KCNH5: variants seen among roughly 807,000 people sequenced by gnomAD.
KCNH5 encodes voltage-gated delayed rectifier potassium channel KCNH5.
KCNH5 carries 46 observed loss-of-function variants against 96.1 expected under a neutral mutation model. The ratio of observed to expected loss-of-function variants is 0.48; its 90% CI spans 0.38 to 0.61. The LOEUF (loss-of-function observed/expected upper bound fraction) is 0.61. Ranked by LOEUF, KCNH5 falls within the 20% of genes least tolerant of loss-of-function variation. The pLI, the probability that KCNH5 is intolerant of heterozygous loss-of-function variation, is 0.00. For missense variants in KCNH5, 907 were observed against 1,225.8 expected, an observed-to-expected ratio of 0.74 and a Z score of 3.88; for synonymous variants, 439 against 449.8, an observed-to-expected ratio of 0.98 and a Z score of 0.30.
At position 62,802,577 on chromosome 14, in the gene KCNH5, A is replaced by C; in HGVS notation, c.1574T>G (p.Leu525Arg). Residue 525 changes from leucine to arginine, a missense_variant, in exon 9 of 11, where the codon CTC (leucine) becomes CGC (arginine). By Grantham distance (102) the Leu-to-Arg change is moderately radical (BLOSUM62 -2). Around this residue, in one of 6 missense-constraint regions of KCNH5, gnomAD observed 95 missense variants for 111.8 expected, o/e 0.85. Coordinates refer to ENST00000322893, the MANE Select transcript of KCNH5 (RefSeq NM_139318.5). ...MSKGIDTEKV[L>R]SICPKDMRAD... ...TCTCATGTCCTTGGGACAGATGGAGAGGACCTAAAGAAGGTGAGAGATGAA... is the reference window on the plus strand; with the variant it reads ...TCTCATGTCCTTGGGACAGATGGAGCGGACCTAAAGAAGGTGAGAGATGAA... 1.9e-6 allele frequency: 3 copies of C among 1,613,704 alleles called. No homozygotes were observed. Among genetic ancestry groups the C allele is most frequent in the Non-Finnish European group, 2.5e-6 (3 of 1,179,664 alleles).
intron 1 of KCNH5, among the ~76,000 whole-genome samples, chr14:63,017,985 T>C (rs1010768214): frequency 6.6e-6 from 1 of 151,876 alleles, no homozygotes; most frequent in Non-Finnish European, 1.5e-5. Flanking sequence ...AAATAAAGAT[T>C]AGTAAAACAC....
chr14:63,001,180 T>G (rs542275238), intron 4 of KCNH5, 151 bp downstream of exon 4: 62 of 617,788 alleles, frequency 1.0e-4, no homozygotes, highest in Admixed American at 4.0e-4. Context: ...TCCAACAGTA[T>G]GATTGAATAA....
At chr14:62,922,282 A>G (rs1889394569) in intron 7 of KCNH5, among the ~76,000 whole-genome samples, 1 of 152,040 alleles carries the variant, frequency 6.6e-6, no homozygotes, top group African/African-American at 2.4e-5. Flanking sequence ...CTGTATGTGT[A>G]TCCATCTACA....
chr14:62,961,915 G>A (rs1890217107), intron 6 of KCNH5, among the ~76,000 whole-genome samples: 2 of 151,690 alleles, frequency 1.3e-5, no homozygotes, highest in Admixed American at 6.6e-5. Flanking sequence ...AGATGGAGAT[G>A]GAGATGGAGA....
intron 7 of KCNH5, among the ~76,000 whole-genome samples, chr14:62,884,814 A>G (rs560944122): frequency 6.6e-6 from 1 of 152,356 alleles, no homozygotes; most frequent in South Asian, 2.1e-4. Context: ...TTCAGTTTGA[A>G]TTAGTGCATA....
At chr14:62,940,860 A>G (rs1889773832) in intron 7 of KCNH5, among the ~76,000 whole-genome samples, 3 of 152,226 alleles carry the variant, frequency 2.0e-5, no homozygotes, top group African/African-American at 7.2e-5. Context: ...CAAGTAGGAG[A>G]TAATGCTTTG....
intron 7 of KCNH5, among the ~76,000 whole-genome samples, chr14:62,944,855 G>A (rs200520420): frequency 6.6e-6 from 1 of 152,178 alleles, no homozygotes; most frequent in East Asian, 1.9e-4. Flanking sequence ...TTAATCAGAA[G>A]CATAAAAGGA....
chr14:63,023,437 C>A (rs115287788), intron 1 of KCNH5, among the ~76,000 whole-genome samples: 2,224 of 152,174 alleles, frequency 0.015, 57 homozygotes, highest in African/African-American at 0.05. Flanking sequence ...TAAATAATGT[C>A]TTTCTAAATA....
At chr14:63,042,684 T>G (rs770270700) in intron 1 of KCNH5, among the ~76,000 whole-genome samples, 35 of 152,302 alleles carry the variant, frequency 2.3e-4, no homozygotes, top group South Asian at 1.5e-3. Context: ...TCTATTAGTC[T>G]CAATTAAACA....
At chr14:62,913,480 C>A (rs1889211920) in intron 7 of KCNH5, among the ~76,000 whole-genome samples, 1 of 152,174 alleles carries the variant, frequency 6.6e-6, no homozygotes, top group South Asian at 2.1e-4. Context: ...CCTGCCTTGG[C>A]CTCCCAAAGT....
intron 10 of KCNH5, among the ~76,000 whole-genome samples, chr14:62,742,772 G>A (rs1885297520): frequency 1.3e-5 from 2 of 152,164 alleles, no homozygotes; most frequent in South Asian, 4.1e-4. Flanking sequence ...TTTGGCAGAA[G>A]GCCCTTAGAT....
chr14:62,822,028 G>T (rs1887125358), intron 8 of KCNH5, among the ~76,000 whole-genome samples: 1 of 152,106 alleles, frequency 6.6e-6, no homozygotes, highest in Non-Finnish European at 1.5e-5. Flanking sequence ...CATTTTCAAT[G>T]TGTCCACAGA....
intron 7 of KCNH5, among the ~76,000 whole-genome samples, chr14:62,909,010 C>T (rs1157041855): frequency 7.1e-6 from 1 of 141,372 alleles, no homozygotes; most frequent in African/African-American, 2.6e-5. Context: ...TGCTCTCAAA[C>T]ATAGAAAACA....
chr14:62,848,675 A>G (rs985897863), intron 8 of KCNH5, among the ~76,000 whole-genome samples: 2 of 152,016 alleles, frequency 1.3e-5, no homozygotes, highest in African/African-American at 2.4e-5. Context: ...CTAAACATCT[A>G]CTTTGCTCAT....
intron 7 of KCNH5, among the ~76,000 whole-genome samples, chr14:62,918,567 T>C (rs982826247): frequency 5.9e-5 from 9 of 152,092 alleles, no homozygotes; most frequent in African/African-American, 2.2e-4. Context: ...AAACAATGGA[T>C]AGAGGACATA....
At chr14:62,917,104 C>T (rs1156314717) in intron 7 of KCNH5, among the ~76,000 whole-genome samples, 1 of 152,192 alleles carries the variant, frequency 6.6e-6, no homozygotes, top group Non-Finnish European at 1.5e-5. Flanking sequence ...ATATATTTAA[C>T]TGCCCTGAGA....
intron 10 of KCNH5, among the ~76,000 whole-genome samples, chr14:62,717,105 A>T (rs1430613220): frequency 1.3e-5 from 2 of 152,200 alleles, no homozygotes; most frequent in Non-Finnish European, 2.9e-5. Context: ...GGAGTTGCAC[A>T]TAGAAAAACT....
chr14:62,923,646 G>T (rs145140255), intron 7 of KCNH5, among the ~76,000 whole-genome samples: 1 of 151,820 alleles, frequency 6.6e-6, no homozygotes, highest in Non-Finnish European at 1.5e-5. Context: ...ACAGGACAGA[G>T]AATCCAAAAA....
intron 6 of KCNH5, among the ~76,000 whole-genome samples, chr14:62,953,962 G>A (rs183258216): frequency 6.6e-6 from 1 of 152,188 alleles, no homozygotes; most frequent in African/African-American, 2.4e-5. Flanking sequence ...TTACCTATAG[G>A]AATAAATATT....
Sources: allele counts gnomAD v4.1 joint callset (sites outside exome capture counted in the v4.1 genomes callset), GRCh38; gene constraint gnomAD v4.1.1; regional missense constraint gnomAD v4.1.1; transcripts MANE v1.5; gene names NCBI Gene and HGNC (gene_info 2026-07-23, HGNC 2026-07-21).